Variants in RABGEF1 observed in about 807,000 individuals in gnomAD.
RABGEF1 encodes rab5 GDP/GTP exchange factor.
Under a neutral mutation model 57.3 loss-of-function variants are expected in RABGEF1, and 26 were observed. The ratio of observed to expected loss-of-function variants is 0.45; its 90% CI spans 0.33 to 0.63. The LOEUF (loss-of-function observed/expected upper bound fraction) is 0.63, where lower values mean the gene tolerates loss of function less well. Among genes scored for constraint, RABGEF1 ranks in the 20% least tolerant of loss-of-function variants. The pLI, the probability that RABGEF1 is intolerant of heterozygous loss-of-function variation, is 0.02. For missense variants in RABGEF1, 464 were observed against 607.6 expected, an observed-to-expected ratio of 0.76 and a Z score of 2.48; for synonymous variants, 185 against 210.7, an observed-to-expected ratio of 0.88 and a Z score of 1.06.
In RABGEF1 at chr7:66,809,009, C is replaced by A; in HGVS notation, c.1201C>A (p.Pro401Thr). 1 of 1,614,118 alleles carries A rather than the reference C, an allele frequency of 6.2e-7. No homozygotes were observed. Among genetic ancestry groups the A allele is most frequent in the South Asian group, 1.1e-5 (1 of 91,080 alleles). ...GAAGCAAGAAGCTGAGAGTTGGTCTCCTGATGCTTGCTTAGGCGTCAAGCA... is the reference window on the plus strand; with the variant it reads ...GAAGCAAGAAGCTGAGAGTTGGTCTACTGATGCTTGCTTAGGCGTCAAGCA... ...PRKQEAESWSPDACLGVKQMY... is the reference protein window; with the variant it reads ...PRKQEAESWSTDACLGVKQMY... The change falls in exon 9 of 9, where the codon CCT becomes ACT. Residue 401 changes from proline to threonine, a missense_variant. Coordinates refer to ENST00000284957, the MANE Select transcript of RABGEF1 (RefSeq NM_014504.3).
chr7:66,737,055 AGAGAGAGAGAGAGAGAGT>A (rs1459790343), upstream of RABGEF1, among the ~76,000 whole-genome samples: 1 of 127,642 alleles, frequency 7.8e-6, no homozygotes, highest in Non-Finnish European at 1.7e-5. Context: ...GAGGGGGGAG[AGAGAGAGAGAGAGAGAGT>A]GAGAGAGAGA....
rs75039203 is a variant in RABGEF1, at chr7:66,810,279, A to C, written c.*995A>C. 6.6e-6 allele frequency: 1 copy of C among 152,102 alleles called. No individual in the cohort carries two copies. Among genetic ancestry groups the C allele is most frequent in the Admixed American group, 6.6e-5 (1 of 15,266 alleles). The allele number at this position is 152,102 out of a possible 1,614,324, so 9.4% of individuals were successfully genotyped here. ...TTCAGGACATTTCAACCTCGGGACT[A>C]TTCATATTAGTGGCCTGAGAGGTGT... On this transcript the variant is annotated 3_prime_UTR_variant, in exon 9 of 9. Transcript: ENST00000284957.
the RABGEF1 span, among the ~76,000 whole-genome samples, chr7:66,660,240 C>T: frequency 6.6e-6 from 1 of 151,478 alleles, no homozygotes. Context: ...CCTAGCTACT[C>T]AGGAGGCTGA....
chr7:66,700,324 C>T (rs1584759345), intron 1 of RABGEF1, among the ~76,000 whole-genome samples: 1 of 152,206 alleles, frequency 6.6e-6, no homozygotes, highest in Non-Finnish European at 1.5e-5. Flanking sequence ...GCTCCTCTTT[C>T]GCCTTGAAGG....
At chr7:66,668,457 C>T in the RABGEF1 span, among the ~76,000 whole-genome samples, 2 of 152,182 alleles carry the variant, frequency 1.3e-5, no homozygotes, top group African/African-American at 4.8e-5. Context: ...CAGCTGGCAT[C>T]TTGCAACTTG....
At chr7:66,723,498 T>G (rs1796267129) in intron 2 of RABGEF1, among the ~76,000 whole-genome samples, 1 of 152,230 alleles carries the variant, frequency 6.6e-6, no homozygotes, top group Non-Finnish European at 1.5e-5. Context: ...GCTATTGTAG[T>G]CATGCATTTT....
At chr7:66,695,188 AG>A (rs1792137243) in intron 1 of RABGEF1, among the ~76,000 whole-genome samples, 1 of 150,870 alleles carries the variant, frequency 6.6e-6, no homozygotes, top group African/African-American at 2.4e-5. Context: ...GGCGTGCACC[AG>A]TAATCCCAGC....
chr7:66,738,030 T>TTTTTTTTTTTTTTTTTTG, upstream of RABGEF1, among the ~76,000 whole-genome samples: 1 of 146,888 alleles, frequency 6.8e-6, no homozygotes, highest in African/African-American at 2.5e-5. Flanking sequence ...TTTGTTTTTT[T>TTTTTTTTTTTTTTTTTTG]TTTTTTTTGA....
At chr7:66,692,243 C>A (rs755933399) in intron 1 of RABGEF1, among the ~76,000 whole-genome samples, 32 of 152,332 alleles carry the variant, frequency 2.1e-4, no homozygotes, top group Middle Eastern at 6.8e-3. Flanking sequence ...AGTGCTGTTT[C>A]GGAAGGTCCC....
chr7:66,674,873 G>A, the RABGEF1 span, among the ~76,000 whole-genome samples: 1 of 151,584 alleles, frequency 6.6e-6, no homozygotes, highest in Non-Finnish European at 1.5e-5. Context: ...GGTTGGACGG[G>A]AATATTCATA....
chr7:66,747,774 C>T (rs189652840), intron 1 of RABGEF1, among the ~76,000 whole-genome samples: 7 of 152,164 alleles, frequency 4.6e-5, no homozygotes, highest in East Asian at 1.9e-4. Flanking sequence ...GTTTATTAAT[C>T]GAAGAAAATG....
chr7:66,775,979 A>G (rs1206729073), intron 3 of RABGEF1, among the ~76,000 whole-genome samples: 1 of 152,246 alleles, frequency 6.6e-6, no homozygotes, highest in Admixed American at 6.5e-5. Context: ...TTAAAATGCC[A>G]TATAACCAGC....
intron 2 of RABGEF1, among the ~76,000 whole-genome samples, chr7:66,725,965 A>AG (rs141988607): frequency 0.04 from 6,001 of 151,512 alleles, 164 homozygotes; most frequent in East Asian, 0.085. Flanking sequence ...CACTTAGAAA[A>AG]CCCCCATTCA....
In RABGEF1 at chr7:66,683,498, A is replaced by G. The variant is rs7808373; in HGVS notation, c.-873+1240A>G. 1.2e-3 allele frequency among the ~76,000 whole-genome samples: 187 copies of G among 152,316 alleles called. 1 individual carries two copies. Among genetic ancestry groups the G allele is most frequent in the African/African-American group, 4.1e-3 (172 of 41,564 alleles). On this transcript the variant is annotated intron_variant and NMD_transcript_variant, in intron 1 of 9. Coordinates refer to the RABGEF1 transcript ENST00000607882. Reference sequence around the variant, plus strand: ...TCTAGAAGTTAGCCAGTTGAGGAGAAGGGACAGTCAAGATACTTTCAGAAC... The same window carrying G: ...TCTAGAAGTTAGCCAGTTGAGGAGAGGGGACAGTCAAGATACTTTCAGAAC...
intron 1 of RABGEF1, among the ~76,000 whole-genome samples, chr7:66,755,128 AC>A (rs1802398916): frequency 6.6e-6 from 1 of 152,168 alleles, no homozygotes; most frequent in South Asian, 2.1e-4. Context: ...CCTGGTCTCT[AC>A]TAAAAATACA....
chr7:66,727,262 G>C (rs1796687014), intron 2 of RABGEF1, among the ~76,000 whole-genome samples: 1 of 152,204 alleles, frequency 6.6e-6, no homozygotes, highest in Non-Finnish European at 1.5e-5. Flanking sequence ...TCAACTACCT[G>C]ATTTGCCAGT....
intron 1 of RABGEF1, among the ~76,000 whole-genome samples, chr7:66,745,768 CA>C (rs35862923): frequency 0.12 from 14,701 of 118,350 alleles, 865 homozygotes; most frequent in Middle Eastern, 0.22. Flanking sequence ...GACTCTATCT[CA>C]AAAAAAAAAA....
intron 6 of RABGEF1, among the ~76,000 whole-genome samples, chr7:66,798,106 G>A (rs1205729367): frequency 2.0e-5 from 3 of 152,156 alleles, no homozygotes; most frequent in African/African-American, 7.2e-5. Context: ...AACAGAGCAA[G>A]ACTCCTTCTC....
intron 1 of RABGEF1, among the ~76,000 whole-genome samples, chr7:66,692,819 A>C (rs535145705): frequency 6.6e-6 from 1 of 152,120 alleles, no homozygotes; most frequent in Non-Finnish European, 1.5e-5. Flanking sequence ...GACTCCAAAA[A>C]AGGAAGTGAT....
Sources: gnomAD v4.1 joint callset for allele counts (sites outside exome capture counted in the v4.1 genomes callset) on GRCh38, gnomAD v4.1.1 for gene constraint, MANE v1.5 for transcripts, NCBI Gene and HGNC (gene_info 2026-07-23, HGNC 2026-07-21) for gene names.